The following EPHA6 variants were observed in gnomAD, a reference collection of about 807,000 sequenced individuals.
EPHA6 encodes ephrin type-A receptor 6.
EPHA6 carries 50 observed loss-of-function variants against 112.0 expected under a neutral mutation model. The ratio of observed to expected loss-of-function variants is 0.45; its 90% CI spans 0.36 to 0.56. The LOEUF (loss-of-function observed/expected upper bound fraction) is 0.56, where lower values mean the gene tolerates loss of function less well. Ranked by LOEUF, EPHA6 falls within the 20% of genes least tolerant of loss-of-function variation. The probability of loss-of-function intolerance (pLI) is 0.00; values close to 1 mark genes in which losing one functional copy is unlikely to be tolerated. For missense variants in EPHA6, 1,280 were observed against 1,417.4 expected, an observed-to-expected ratio of 0.90 and a Z score of 1.56; for synonymous variants, 529 against 490.7, an observed-to-expected ratio of 1.08 and a Z score of -1.03.
chr3:97,610,961 TGAA>T, intron 13 of EPHA6, 107 bp downstream of exon 13: 1 of 918,854 alleles, frequency 1.1e-6, no homozygotes, highest in Non-Finnish European at 1.7e-6. Flanking sequence ...GGATTTTCTG[TGAA>T]GAATAGCAGT....
rs991522402 is a variant in EPHA6, at chr3:97,481,050, G to A, written c.2074+1686G>A. ...CAGATGATGGGCGGCCAGGCAGAGA[G>A]GCTCCTCACTTCCCAGACGGGGTGG... On this transcript the variant is annotated intron_variant, in intron 9 of 17. Coordinates refer to ENST00000389672, the MANE Select transcript of EPHA6 (RefSeq NM_001080448.3). 5 of 414,284 alleles carry A rather than the reference G, an allele frequency of 1.2e-5. No homozygotes were observed. The East Asian group carries it at 3.1e-4, about 25-fold the overall frequency. 25.7% of individuals were successfully genotyped at this position (414,284 alleles called of 1,614,324 possible). A position where few individuals can be genotyped will look rare whatever the true frequency, so the allele number is the denominator to read the frequency against.
At chr3:96,855,524 G>A (rs2035641936) in intron 1 of EPHA6, among the ~76,000 whole-genome samples, 1 of 152,026 alleles carries the variant, frequency 6.6e-6, no homozygotes, top group African/African-American at 2.4e-5. Flanking sequence ...CCATTTAATG[G>A]GAAAACAGTG....
chr3:97,487,059 G>C (rs559709049), intron 10 of EPHA6, among the ~76,000 whole-genome samples: 4 of 152,270 alleles, frequency 2.6e-5, no homozygotes, highest in African/African-American at 9.6e-5. Flanking sequence ...GCTAGACAGA[G>C]GTGAAGTGAG....
At chr3:97,591,446 A>G (rs1206054617) in intron 11 of EPHA6, among the ~76,000 whole-genome samples, 2 of 152,220 alleles carry the variant, frequency 1.3e-5, no homozygotes, top group South Asian at 2.1e-4. Flanking sequence ...AAATCTGAGC[A>G]TGAAAGGAAA....
chr3:97,106,606 C>A (rs2047577830), intron 3 of EPHA6, among the ~76,000 whole-genome samples: 2 of 152,084 alleles, frequency 1.3e-5, no homozygotes, highest in Admixed American at 1.3e-4. Context: ...TGATCTAATT[C>A]TTCCGGTACA....
At chr3:96,849,899 C>T (rs1055503658) in intron 1 of EPHA6, among the ~76,000 whole-genome samples, 1 of 152,084 alleles carries the variant, frequency 6.6e-6, no homozygotes, top group Non-Finnish European at 1.5e-5. Flanking sequence ...GCCTGACATA[C>T]AGGAATCATT....
In EPHA6 at chr3:97,612,669, C is replaced by G. The variant is rs79374547; in HGVS notation, c.2574+1815C>G. Among the ~76,000 whole-genome samples, 1,230 of 152,072 alleles carry G rather than the reference C, an allele frequency of 8.1e-3. 19 individuals are homozygous for G. Among genetic ancestry groups the G allele is most frequent in the African/African-American group, 0.028 (1,175 of 41,510 alleles). The stretch of plus-strand genomic sequence containing the variant: ...AATATTTTTCAGCTCTTATTATGTA[C>G]TGTGTATGTAAGACATTATCAGAGA... On this transcript the variant is annotated intron_variant, in intron 13 of 17. Coordinates refer to ENST00000389672, the MANE Select transcript of EPHA6 (RefSeq NM_001080448.3).
At chr3:97,578,303 G>A (rs1301958735) in intron 11 of EPHA6, among the ~76,000 whole-genome samples, 1 of 151,912 alleles carries the variant, frequency 6.6e-6, no homozygotes, top group Non-Finnish European at 1.5e-5. Context: ...CTGAACAGCT[G>A]TCTTCAGCAC....
rs2036076941 is a variant in EPHA6, at chr3:97,758,400, G to A, written c.*9699G>A. 6.6e-6 allele frequency among the ~76,000 whole-genome samples: 1 copy of A among 151,692 alleles called. No individual in the cohort carries two copies. Among genetic ancestry groups the A allele is most frequent in the Admixed American group, 6.6e-5 (1 of 15,246 alleles). On this transcript the variant is annotated 3_prime_UTR_variant, in exon 18 of 18. Transcript: ENST00000389672. ...TAAAGGAGATCATGTCTCCTTACTG[G>A]TCCAAAATTGTATAATTCCTAAATT...
chr3:97,688,582 G>A (rs953464866), intron 14 of EPHA6, among the ~76,000 whole-genome samples: 4 of 109,410 alleles, frequency 3.7e-5, no homozygotes, highest in African/African-American at 7.0e-5. Flanking sequence ...TCATGGGGTG[G>A]GGGGAGGGGG....
intron 6 of EPHA6, among the ~76,000 whole-genome samples, chr3:97,435,476 G>C (rs773366501): frequency 6.6e-6 from 1 of 152,110 alleles, no homozygotes; most frequent in Non-Finnish European, 1.5e-5. Flanking sequence ...TTCCACAAAT[G>C]AGTTTTTTCA....
intron 3 of EPHA6, among the ~76,000 whole-genome samples, chr3:97,195,462 G>T (rs1166724002): frequency 6.6e-6 from 1 of 151,902 alleles, no homozygotes; most frequent in Non-Finnish European, 1.5e-5. Flanking sequence ...CTTGAAAGTG[G>T]TAGTTGTTAT....
chr3:96,929,116 C>T (rs1475054053), intron 2 of EPHA6, among the ~76,000 whole-genome samples: 1 of 152,180 alleles, frequency 6.6e-6, no homozygotes, highest in Non-Finnish European at 1.5e-5. Flanking sequence ...TATCCAACAG[C>T]CTGAGCTGTA....
chr3:97,382,996 C>T (rs2085842283), intron 5 of EPHA6, among the ~76,000 whole-genome samples: 1 of 151,854 alleles, frequency 6.6e-6, no homozygotes, highest in South Asian at 2.1e-4. Context: ...ACCCTTTTAG[C>T]AAATAAGGTA....
At chr3:97,451,475 G>A (rs1008883213) in intron 7 of EPHA6, among the ~76,000 whole-genome samples, 2 of 151,040 alleles carry the variant, frequency 1.3e-5, no homozygotes, top group Admixed American at 1.3e-4. Flanking sequence ...ACCTTGAAGA[G>A]ATAAAATGTC....
chr3:96,839,441 G>C (rs984190832), intron 1 of EPHA6, among the ~76,000 whole-genome samples: 4 of 152,058 alleles, frequency 2.6e-5, no homozygotes, highest in Non-Finnish European at 5.9e-5. Context: ...CCCCACATCT[G>C]TCATCCATGG....
intron 6 of EPHA6, 68 bp from the exon 7 acceptor site, chr3:97,448,500 G>A (rs2090423303): frequency 6.6e-7 from 1 of 1,512,082 alleles, no homozygotes; most frequent in Admixed American, 1.7e-5. Flanking sequence ...GTTAAACTTT[G>A]GAATGTTTCT....
At chr3:97,249,518 C>T (rs1013960257) in intron 5 of EPHA6, among the ~76,000 whole-genome samples, 1 of 152,128 alleles carries the variant, frequency 6.6e-6, no homozygotes, top group African/African-American at 2.4e-5. Flanking sequence ...GAAAGGACCT[C>T]AGACTTTAGA....
chr3:97,325,363 A>T (rs1354567501), intron 5 of EPHA6, among the ~76,000 whole-genome samples: 1 of 151,820 alleles, frequency 6.6e-6, no homozygotes, highest in Non-Finnish European at 1.5e-5. Context: ...CTGTGTCCTC[A>T]CTGGTCTTTT....
Sources: gnomAD v4.1 joint callset for allele counts (sites outside exome capture counted in the v4.1 genomes callset) on GRCh38, gnomAD v4.1.1 for gene constraint, MANE v1.5 for transcripts, NCBI Gene and HGNC (gene_info 2026-07-23, HGNC 2026-07-21) for gene names.